Variants in CAMSAP2 observed in about 807,000 individuals in gnomAD.
CAMSAP2 encodes the protein calmodulin regulated spectrin associated protein family member 2, also known as calmodulin-regulated spectrin-associated protein 2.
CAMSAP2 carries 26 observed loss-of-function variants against 146.1 expected under a neutral mutation model. The ratio of observed to expected loss-of-function variants is 0.18; its 90% confidence interval spans 0.13 to 0.25. The LOEUF (loss-of-function observed/expected upper bound fraction) is 0.25, where lower values mean the gene tolerates loss of function less well. CAMSAP2 is among the 10% of genes least tolerant of loss of function. The pLI is 1.00. For synonymous variants in CAMSAP2, 499 were observed against 596.6 expected (o/e 0.84, Z 2.38); for missense variants, 1,381 against 1,759.3 (o/e 0.78, Z 3.85).
At chr1:200,852,408 C>T (rs10800743) in intron 11 of CAMSAP2, 133 bp from the exon 12 acceptor site, 651,723 of 899,278 alleles carry the variant, frequency 0.72, 236,718 homozygotes, top group Admixed American at 0.76. Flanking sequence ...CTCAACCACA[C>T]CCACATTCAG....
chr1:200,817,964 C>A (rs925574517), intron 4 of CAMSAP2, among the ~76,000 whole-genome samples: 1 of 152,192 alleles, frequency 6.6e-6, no homozygotes, highest in South Asian at 2.1e-4. Context: ...TTCCCTGTTA[C>A]GTCCCACAGT....
intron 1 of CAMSAP2, among the ~76,000 whole-genome samples, chr1:200,741,242 A>G (rs1056533085): frequency 9.2e-5 from 14 of 152,206 alleles, no homozygotes; most frequent in African/African-American, 3.4e-4. Flanking sequence ...TTGAATTTTT[A>G]TGCTTTGATA....
chr1:200,789,581 A>G (rs1665692102), intron 2 of CAMSAP2, among the ~76,000 whole-genome samples: 1 of 152,170 alleles, frequency 6.6e-6, no homozygotes, highest in African/African-American at 2.4e-5. Context: ...GTGAGCTTTG[A>G]AGGTGGGTAG....
chr1:200,739,176 C>G lies in CAMSAP2; in HGVS notation c.-652C>G, dbSNP rs1232101988. ...AGGGAGCACAGAGGAGGGGACGGGC[C>G]GGCGGCGGCCTGTGAGCCGCAGTGA... On this transcript the variant is annotated 5_prime_UTR_variant, in exon 1 of 17. Coordinates refer to ENST00000358823, the MANE Select transcript of CAMSAP2 (RefSeq NM_203459.4). This position sits in a 1 kb window ranked among gnomAD's most constrained non-coding sequence, Gnocchi z 4.8. Among the ~76,000 whole-genome samples, 1 of 152,014 alleles carries G rather than the reference C, an allele frequency of 6.6e-6. No homozygotes were observed. Among genetic ancestry groups the G allele is most frequent in the East Asian group, 1.9e-4 (1 of 5,132 alleles).
chr1:200,814,338 G>A (rs1666419238), intron 3 of CAMSAP2, among the ~76,000 whole-genome samples: 3 of 152,032 alleles, frequency 2.0e-5, no homozygotes, highest in Non-Finnish European at 2.9e-5. Flanking sequence ...TGGGCATGGT[G>A]GCTCATGCCT....
Position 200,807,455 on chromosome 1 carries a change from G to T in CAMSAP2, c.479G>T (p.Cys160Phe), listed in dbSNP as rs561516703. The T allele has an allele frequency of 2.5e-6, 4 of 1,595,676 alleles. No homozygotes were observed. Among genetic ancestry groups the T allele is most frequent in the Admixed American group, 3.4e-5 (2 of 59,396 alleles). ...EMVSIEKVIACAQQYSAFFQA... is the reference protein window; with the variant it reads ...EMVSIEKVIAFAQQYSAFFQA... ...GTCAGTATAGAAAAAGTAATTGCGT[G>T]TGCTCAGCAGTATTCAGCTTTTTTT... The change falls in exon 3 of 17, where the codon TGT becomes TTT. Residue 160 changes from cysteine to phenylalanine, a missense_variant. Cys to Phe is a radical substitution (Grantham distance 205, BLOSUM62 -2). This residue lies in a region of CAMSAP2 where 284 missense variants were observed against 406.9 expected (regional missense o/e 0.70). Transcript: ENST00000358823.
At chr1:200,796,741 T>C (rs1665894630) in intron 2 of CAMSAP2, among the ~76,000 whole-genome samples, 1 of 151,904 alleles carries the variant, frequency 6.6e-6, no homozygotes, top group Non-Finnish European at 1.5e-5. Context: ...TACATATGTA[T>C]ACATGTGCCA....
In CAMSAP2 at chr1:200,849,701, C is replaced by T. The variant is rs368028151; in HGVS notation, c.2932C>T (p.Pro978Ser). Residue 978 changes from proline to serine, a missense_variant, in exon 11 of 17, where the codon CCT (proline) becomes TCT (serine). Pro to Ser is a moderately conservative substitution (Grantham distance 74). Transcript: ENST00000358823. This position sits in a 1 kb window ranked among gnomAD's most constrained non-coding sequence, Gnocchi z 6.3. ...TTTTTCTGTTAAAAGTCAAAGGACTCCTAGGCCAAATGAGTTAAAAATAAC... is the reference window on the plus strand; with the variant it reads ...TTTTTCTGTTAAAAGTCAAAGGACTTCTAGGCCAAATGAGTTAAAAATAAC... ...ASFSVKSQRT[P>S]RPNELKITPL... The T allele has an allele frequency of 1.9e-5, 31 of 1,614,044 alleles. No individual in the cohort carries two copies. Among genetic ancestry groups the T allele is most frequent in the Non-Finnish European group, 2.4e-5 (28 of 1,180,026 alleles).
chr1:200,848,238 TTAA>T lies in CAMSAP2; in HGVS notation c.1472_1474del (p.Asn491del). On this transcript the variant is annotated inframe_deletion, in exon 11 of 17. Coordinates refer to ENST00000358823, the MANE Select transcript of CAMSAP2 (RefSeq NM_203459.4). The stretch of plus-strand genomic sequence containing the variant: ...GAAGCAGAGAGCATTGAAGAAGAAC[TTAA>T]TATAGATTCTCACAGTGACCTCAAA... 6.2e-7 allele frequency: 1 copy of T among 1,613,610 alleles called. No homozygotes were observed.
At chr1:200,839,755 C>T (rs543647113) in intron 6 of CAMSAP2, among the ~76,000 whole-genome samples, 1 of 152,252 alleles carries the variant, frequency 6.6e-6, no homozygotes, top group East Asian at 1.9e-4. Flanking sequence ...ACAGTGTACA[C>T]TGCTTGGGTG....
intron 1 of CAMSAP2, among the ~76,000 whole-genome samples, chr1:200,759,244 T>C (rs551889189): frequency 1.3e-5 from 2 of 152,166 alleles, no homozygotes; most frequent in East Asian, 3.9e-4. Flanking sequence ...AGGCTCTTTT[T>C]TTTCTGACTA....
chr1:200,788,454 C>G (rs1194877402), intron 2 of CAMSAP2, among the ~76,000 whole-genome samples: 1 of 152,076 alleles, frequency 6.6e-6, no homozygotes, highest in Non-Finnish European at 1.5e-5. Flanking sequence ...TAAGAAATCA[C>G]CAAACTCTCT....
intron 3 of CAMSAP2, among the ~76,000 whole-genome samples, chr1:200,807,741 T>C: frequency 6.9e-6 from 1 of 145,586 alleles, no homozygotes; most frequent in South Asian, 2.2e-4. Flanking sequence ...TGATTACTCT[T>C]TTTTTTTTTT....
chr1:200,804,045 G>A (rs1199845214), intron 2 of CAMSAP2, among the ~76,000 whole-genome samples: 1 of 151,930 alleles, frequency 6.6e-6, no homozygotes, highest in African/African-American at 2.4e-5. Flanking sequence ...TCCTGCCTCA[G>A]CCTCCTGAGT....
chr1:200,813,559 A>C (rs1333261539), intron 3 of CAMSAP2, among the ~76,000 whole-genome samples: 2 of 152,228 alleles, frequency 1.3e-5, no homozygotes, highest in African/African-American at 2.4e-5. Flanking sequence ...CTAGCCTCTT[A>C]ATACAGTATC....
chr1:200,849,453 A>T lies in CAMSAP2; in HGVS notation c.2684A>T (p.Gln895Leu). 1 of 1,614,226 alleles carries T rather than the reference A, an allele frequency of 6.2e-7. No homozygotes were observed. Among genetic ancestry groups the T allele is most frequent in the Non-Finnish European group, 8.5e-7 (1 of 1,180,014 alleles). ...EKLNSSLHFL[Q>L]QEMQRLSLQQ... ...TTAAATTCATCCCTGCATTTTCTAC[A>T]ACAAGAAATGCAACGCTTGTCACTT... The change falls in exon 11 of 17, where the codon CAA becomes CTA. Residue 895 changes from glutamine (Q) to leucine (L), a missense_variant. Around this residue, in one of 4 missense-constraint regions of CAMSAP2, gnomAD observed 560 missense variants for 715.9 expected, o/e 0.78. Coordinates refer to ENST00000358823, the MANE Select transcript of CAMSAP2 (RefSeq NM_203459.4). This position sits in a 1 kb window ranked among gnomAD's most constrained non-coding sequence, Gnocchi z 6.3.
chr1:200,833,249 A>G (rs974489416), intron 6 of CAMSAP2, among the ~76,000 whole-genome samples: 1 of 152,112 alleles, frequency 6.6e-6, no homozygotes, highest in African/African-American at 2.4e-5. Context: ...TTTATAGTGC[A>G]AAGCCAAACT....
At chr1:200,817,241 TAC>T (rs1228849157) in intron 4 of CAMSAP2, among the ~76,000 whole-genome samples, 1 of 10,616 alleles carries the variant, frequency 9.4e-5, no homozygotes, top group African/African-American at 4.9e-4. Flanking sequence ...TATACACACA[TAC>T]ACACATATGT....
At chr1:200,784,439 CTTTAA>C (rs1282114037) in intron 2 of CAMSAP2, among the ~76,000 whole-genome samples, 5 of 151,872 alleles carry the variant, frequency 3.3e-5, no homozygotes, top group Non-Finnish European at 7.4e-5. Flanking sequence ...TTTAAGTATT[CTTTAA>C]TTTATTTCAG....
Sources: allele counts gnomAD v4.1 joint callset (sites outside exome capture counted in the v4.1 genomes callset), GRCh38; gene constraint gnomAD v4.1.1; regional missense constraint gnomAD v4.1.1; non-coding constraint Gnocchi (gnomAD v3.1); transcripts MANE v1.5; gene names NCBI Gene and HGNC (gene_info 2026-07-23, HGNC 2026-07-21).